OTOP1: variants seen among roughly 807,000 people sequenced by gnomAD.
OTOP1 encodes the protein proton channel OTOP1.
In OTOP1, 59 loss-of-function variants were observed where a neutral mutation model predicts 52.9. The observed-to-expected ratio is 1.12, with a 90% confidence interval of 0.91 to 1.39. OTOP1 has a LOEUF of 1.39. Among genes scored for constraint, OTOP1 ranks in the 40% most tolerant of loss-of-function variants. The pLI is 0.00. For synonymous variants in OTOP1, 317 were observed against 337.7 expected (o/e 0.94, Z 0.67); for missense variants, 761 against 800.9 (o/e 0.95, Z 0.60).
At chr4:4,218,471 A>G (rs1487739227) in intron 1 of OTOP1, among the ~76,000 whole-genome samples, 4 of 152,080 alleles carry the variant, frequency 2.6e-5, no homozygotes, top group Admixed American at 2.6e-4. Flanking sequence ...TGGTAAATAA[A>G]TGGAAAAGGA....
chr4:4,218,391 C>CAA (rs202242761), intron 1 of OTOP1, among the ~76,000 whole-genome samples: 6,452 of 130,252 alleles, frequency 0.05, 482 homozygotes, highest in African/African-American at 0.16. Context: ...GACTCCAACT[C>CAA]AAAAAAAAAA....
At chr4:4,189,158 G>A (rs1716449205) in intron 5 of OTOP1, among the ~76,000 whole-genome samples, 185 bp from the exon 6 acceptor site, 1 of 152,140 alleles carries the variant, frequency 6.6e-6, no homozygotes, top group South Asian at 2.1e-4. Flanking sequence ...ATCCATGTCT[G>A]CCATGATCCT....
chr4:4,213,677 G>T (rs1717072624), intron 1 of OTOP1, among the ~76,000 whole-genome samples: 1 of 152,120 alleles, frequency 6.6e-6, no homozygotes, highest in African/African-American at 2.4e-5. Context: ...ATATTTTGTT[G>T]TATGTCTATA....
chr4:4,217,452 G>A (rs1243396344), intron 1 of OTOP1, among the ~76,000 whole-genome samples: 2 of 152,216 alleles, frequency 1.3e-5, no homozygotes, highest in Admixed American at 1.3e-4. Flanking sequence ...TGTCGCCCGC[G>A]TGTCAGGGCA....
intron 1 of OTOP1, among the ~76,000 whole-genome samples, chr4:4,221,417 T>C (rs920034954): frequency 5.9e-5 from 9 of 152,104 alleles, no homozygotes; most frequent in African/African-American, 1.9e-4. Context: ...AGGGAGACCC[T>C]GTCCTTATTT....
Position 4,213,040 on chromosome 4 carries a change from A to C in OTOP1, c.404-36T>G, listed in dbSNP as rs1340224613. On this transcript the variant is annotated intron_variant, in intron 1 of 5. Transcript: ENST00000296358. The stretch of plus-strand genomic sequence containing the variant: ...GATGAAGGGGGAAGTGGAAACACAC[A>C]CATTGCATTAACATACATTGATGTC... 1.0e-5 allele frequency: 16 copies of C among 1,605,358 alleles called. No homozygotes were observed. The Admixed American group carries it at 2.0e-4, about 20-fold the overall frequency.
rs567397546 is a variant in OTOP1, at chr4:4,220,002, CATAT to C, written c.403+6456_403+6459del. On this transcript the variant is annotated intron_variant, in intron 1 of 5. Transcript: ENST00000296358. The stretch of plus-strand genomic sequence containing the variant: ...ATATATACGTATATAGGTGTATATA[CATAT>C]ATATGTATATACATGTATATACGTA... Among the ~76,000 whole-genome samples the C allele has an allele frequency of 6.0e-3, 313 of 51,824 alleles. 3 individuals are homozygous for C. Among genetic ancestry groups the C allele is most frequent in the Non-Finnish European group, 9.2e-3 (268 of 29,030 alleles). The allele number at this position is 51,824 out of a possible 152,430, so 34.0% of individuals were successfully genotyped here. A position where few individuals can be genotyped will look rare whatever the true frequency, so the allele number is the denominator to read the frequency against.
At chr4:4,196,859 C>T (rs373313674) in intron 5 of OTOP1, among the ~76,000 whole-genome samples, 18 of 152,198 alleles carry the variant, frequency 1.2e-4, no homozygotes, top group Admixed American at 6.5e-4. Context: ...AATTAACACA[C>T]GAACAGAAAA....
chr4:4,207,204 GCAGT>G (rs33941209), intron 2 of OTOP1, among the ~76,000 whole-genome samples: 101,834 of 151,842 alleles, frequency 0.67, 34,715 homozygotes, highest in African/African-American at 0.76. Flanking sequence ...AAAACAGACA[GCAGT>G]CAGTGACTCC....
chr4:4,196,236 C>T (rs1279241663), intron 5 of OTOP1, among the ~76,000 whole-genome samples: 2 of 151,044 alleles, frequency 1.3e-5, no homozygotes, highest in African/African-American at 4.9e-5. Context: ...CTGGGCAGCA[C>T]AGTGAGAACC....
chr4:4,192,631 G>T (rs914010731), intron 5 of OTOP1, among the ~76,000 whole-genome samples: 5 of 152,136 alleles, frequency 3.3e-5, no homozygotes, highest in African/African-American at 1.2e-4. Context: ...CTGCTCCCAA[G>T]GTTGCCCCTC....
At chr4:4,210,366 A>G (rs1261512582) in intron 2 of OTOP1, among the ~76,000 whole-genome samples, 1 of 152,244 alleles carries the variant, frequency 6.6e-6, no homozygotes, top group African/African-American at 2.4e-5. Flanking sequence ...ACAGACCATC[A>G]GCTTCAATCA....
intron 1 of OTOP1, among the ~76,000 whole-genome samples, chr4:4,223,240 A>C (rs947232192): frequency 6.6e-6 from 1 of 152,220 alleles, no homozygotes; most frequent in African/African-American, 2.4e-5. Flanking sequence ...GAGAAATGTA[A>C]CATGTCATTG....
chr4:4,215,010 G>A (rs1717109250), intron 1 of OTOP1, among the ~76,000 whole-genome samples: 3 of 152,290 alleles, frequency 2.0e-5, no homozygotes, highest in South Asian at 4.2e-4. Context: ...GCCCAGGCAT[G>A]GTGGCTCATG....
At chr4:4,199,851 G>A (rs994952364) in intron 4 of OTOP1, among the ~76,000 whole-genome samples, 1 of 152,192 alleles carries the variant, frequency 6.6e-6, no homozygotes, top group African/African-American at 2.4e-5. Flanking sequence ...CAACTTTTTT[G>A]TAGCAGAAAT....
At chr4:4,189,446 G>A (rs115735135) in intron 5 of OTOP1, among the ~76,000 whole-genome samples, 2 of 152,300 alleles carry the variant, frequency 1.3e-5, no homozygotes, top group African/African-American at 4.8e-5. Flanking sequence ...CACCTCTTGA[G>A]TTGTCAGGCT....
intron 5 of OTOP1, among the ~76,000 whole-genome samples, chr4:4,196,130 T>C (rs1411910660): frequency 6.6e-6 from 1 of 152,052 alleles, no homozygotes; most frequent in African/African-American, 2.4e-5. Flanking sequence ...ATAAAGAAAA[T>C]GTATTATGGA....
intron 5 of OTOP1, among the ~76,000 whole-genome samples, chr4:4,195,350 G>A (rs1374587533): frequency 2.0e-5 from 3 of 152,196 alleles, no homozygotes; most frequent in Non-Finnish European, 4.4e-5. Flanking sequence ...CCTTGCTGAT[G>A]CGGACAGATA....
intron 1 of OTOP1, among the ~76,000 whole-genome samples, chr4:4,220,268 G>A (rs936586384): frequency 6.0e-5 from 9 of 150,858 alleles, no homozygotes; most frequent in African/African-American, 9.8e-5. Flanking sequence ...AAAACAGAAC[G>A]GAAAATTTCA....
Sources: gnomAD v4.1 joint callset for allele counts (sites outside exome capture counted in the v4.1 genomes callset) on GRCh38, gnomAD v4.1.1 for gene constraint, MANE v1.5 for transcripts, NCBI Gene and HGNC (gene_info 2026-07-23, HGNC 2026-07-21) for gene names.